The following PCDHGA6 variants were observed in gnomAD, a reference collection of about 807,000 sequenced individuals.
PCDHGA6 encodes the protein protocadherin gamma-A6.
PCDHGA6 carries 41 observed loss-of-function variants against 60.6 expected under a neutral mutation model. That is an observed-to-expected ratio of 0.68 (90% CI 0.53 to 0.88). The LOEUF is 0.88. Ranked by LOEUF, PCDHGA6 falls within the 40% of genes least tolerant of loss-of-function variation. PCDHGA6 has a pLI of 0.00. For synonymous variants in PCDHGA6, 594 were observed against 524.4 expected (o/e 1.13, Z -1.81); for missense variants, 1,312 against 1,203.0 (o/e 1.09, Z -1.34).
intron 1 of PCDHGA6, 107 bp downstream of exon 1, chr5:141,376,614 T>C: frequency 6.9e-7 from 1 of 1,446,670 alleles, no homozygotes; most frequent in African/African-American, 1.4e-5. Flanking sequence ...CGAACCTCTT[T>C]TGGTACAGGA....
At chr5:141,425,491 C>G (rs1243033082) in intron 1 of PCDHGA6, among the ~76,000 whole-genome samples, 1 of 152,200 alleles carries the variant, frequency 6.6e-6, no homozygotes, top group Non-Finnish European at 1.5e-5. Context: ...ACCTACTAGG[C>G]TATACCTTTA....
chr5:141,431,473 C>T lies in PCDHGA6; in HGVS notation c.2424+54966C>T, dbSNP rs750300971. ...TGATGGTTCTGGATGCGAACGACAA[C>T]GCACCAGCGTTTGCTCAGCCCGAGT... On this transcript the variant is annotated intron_variant, in intron 1 of 3. Coordinates refer to ENST00000517434, the MANE Select transcript of PCDHGA6 (RefSeq NM_018919.3). This position sits in a 1 kb window ranked among gnomAD's most constrained non-coding sequence, Gnocchi z 4.8. 4.3e-6 allele frequency: 7 copies of T among 1,613,832 alleles called. No individual in the cohort carries two copies. The Admixed American group carries it at 1.2e-4, about 27-fold the overall frequency.
In PCDHGA6 at chr5:141,376,085, A is replaced by T. The variant is rs777795289; in HGVS notation, c.2002A>T (p.Ile668Phe). 6.2e-7 allele frequency: 1 copy of T among 1,613,530 alleles called. No individual in the cohort carries two copies. ...VTLTVAVADRIPDILADLGSL... is the reference protein window; with the variant it reads ...VTLTVAVADRFPDILADLGSL... ...GCTCACCGTGGCCGTGGCCGACAGG[A>T]TCCCCGACATCCTGGCCGACCTGGG... Residue 668 changes from isoleucine to phenylalanine, a missense_variant, in exon 1 of 4, where the codon ATC (isoleucine) becomes TTC (phenylalanine). By Grantham distance (21) the Ile-to-Phe change is conservative. Coordinates refer to ENST00000517434, the MANE Select transcript of PCDHGA6 (RefSeq NM_018919.3).
At chr5:141,424,491 G>T (rs2096824224) in intron 1 of PCDHGA6, 1 of 152,122 alleles carries the variant, frequency 6.6e-6, no homozygotes, top group South Asian at 2.1e-4. Context: ...GTCTGTGTTT[G>T]TATGTATGGA....
At chr5:141,451,673 G>A (rs912482749) in intron 1 of PCDHGA6, among the ~76,000 whole-genome samples, 4 of 152,164 alleles carry the variant, frequency 2.6e-5, no homozygotes, top group African/African-American at 7.2e-5. Context: ...CTTGAGCCCA[G>A]GAGTTCAAGA....
At chr5:141,409,933 GGT>G in intron 1 of PCDHGA6, 1 of 1,613,354 alleles carries the variant, frequency 6.2e-7, no homozygotes, top group East Asian at 2.2e-5. Flanking sequence ...TCTTCGATAT[GGT>G]ACCTCGCTCT....
intron 1 of PCDHGA6, among the ~76,000 whole-genome samples, chr5:141,479,789 T>C (rs888217885): frequency 3.3e-5 from 5 of 152,196 alleles, no homozygotes; most frequent in Non-Finnish European, 2.9e-5. Flanking sequence ...AAAGCATTCA[T>C]TAATTCAGGG....
intron 1 of PCDHGA6, chr5:141,419,226 C>T (rs560904796): frequency 1.9e-6 from 3 of 1,614,006 alleles, no homozygotes; most frequent in East Asian, 2.2e-5. Context: ...GGACAGTCAG[C>T]CTACCTGGTC....
At chr5:141,386,930 G>A (rs555182145) in intron 1 of PCDHGA6, among the ~76,000 whole-genome samples, 29 of 152,300 alleles carry the variant, frequency 1.9e-4, no homozygotes, top group African/African-American at 6.0e-4. Flanking sequence ...AATAAGTGCA[G>A]AGGTAGGAAG....
chr5:141,389,771 C>T lies in PCDHGA6; in HGVS notation c.2424+13264C>T, dbSNP rs1239854891. 4 of 1,613,088 alleles carry T rather than the reference C, an allele frequency of 2.5e-6. No homozygotes were observed. The Admixed American group carries it at 5.0e-5, about 20-fold the overall frequency. ...CGGGCGAAGTGCGCACAGCGCGTGC[C>T]TTAGGCGACAGGGACGCCGTCCGCC... is the stretch of plus-strand genomic sequence containing the variant. On this transcript the variant is annotated intron_variant, in intron 1 of 3. Coordinates refer to ENST00000517434, the MANE Select transcript of PCDHGA6 (RefSeq NM_018919.3).
At chr5:141,478,717 C>T (rs1381812771) in intron 1 of PCDHGA6, 1 of 1,545,032 alleles carries the variant, frequency 6.5e-7, no homozygotes, top group South Asian at 1.2e-5. Context: ...GAGATGGTGG[C>T]CTGCCAGAGT....
At position 141,431,248 on chromosome 5, in the gene PCDHGA6, G is replaced by T. The variant is rs1213088915; in HGVS notation, c.2424+54741G>T. ...CCCACGCCTGGGATCCGGATATCGG[G>T]AAGAACTCTCTGCAGAGCTACGAGC... On this transcript the variant is annotated intron_variant, in intron 1 of 3. Coordinates refer to ENST00000517434, the MANE Select transcript of PCDHGA6 (RefSeq NM_018919.3). The surrounding 1 kb of genome is among the most constrained non-coding windows in gnomAD (Gnocchi z 4.8). 6.2e-7 allele frequency: 1 copy of T among 1,614,022 alleles called. No individual in the cohort carries two copies. The highest frequency in any genetic ancestry group is 8.5e-7 in the Non-Finnish European group (1 of 1,180,056).
intron 1 of PCDHGA6, among the ~76,000 whole-genome samples, chr5:141,474,703 C>G (rs2099353282): frequency 6.6e-6 from 1 of 152,188 alleles, no homozygotes; most frequent in Admixed American, 6.5e-5. Flanking sequence ...GTTCAAGGTT[C>G]TATTATACTT....
At chr5:141,377,892 CT>C (rs946360367) in intron 1 of PCDHGA6, 2 of 152,170 alleles carry the variant, frequency 1.3e-5, no homozygotes, top group Non-Finnish European at 2.9e-5. Context: ...TAGGATCCCC[CT>C]CTGTTGCCCA....
chr5:141,467,572 G>A (rs1351985954), intron 1 of PCDHGA6, among the ~76,000 whole-genome samples: 1 of 152,184 alleles, frequency 6.6e-6, no homozygotes, highest in African/African-American at 2.4e-5. Flanking sequence ...TGGCTATCCA[G>A]TTGTCCCAAT....
chr5:141,437,076 A>T (rs1018228245), intron 1 of PCDHGA6, among the ~76,000 whole-genome samples: 2 of 152,236 alleles, frequency 1.3e-5, no homozygotes, highest in African/African-American at 4.8e-5. Context: ...TTTGGGCCAT[A>T]TAAGAATTGA....
At chr5:141,410,544 G>A (rs1370251538) in intron 1 of PCDHGA6, 3 of 1,613,640 alleles carry the variant, frequency 1.9e-6, no homozygotes, top group Non-Finnish European at 2.5e-6. Flanking sequence ...GACATGGTTT[G>A]CAGTGTTTCT....
chr5:141,499,616 C>T (rs538268323), intron 2 of PCDHGA6, among the ~76,000 whole-genome samples: 2 of 152,058 alleles, frequency 1.3e-5, no homozygotes, highest in South Asian at 4.2e-4. Context: ...CTTATCCTGT[C>T]CTTGGATTCT....
chr5:141,410,239 T>C, intron 1 of PCDHGA6: 2 of 1,614,024 alleles, frequency 1.2e-6, no homozygotes, highest in Admixed American at 1.7e-5. Flanking sequence ...GCGACCGCCC[T>C]GTACTCTCTG....
Sources: gnomAD v4.1 joint callset for allele counts (sites outside exome capture counted in the v4.1 genomes callset) on GRCh38, gnomAD v4.1.1 for gene constraint, Gnocchi (gnomAD v3.1) non-coding constraint, MANE v1.5 for transcripts, NCBI Gene and HGNC (gene_info 2026-07-23, HGNC 2026-07-21) for gene names.